PIN4: variants seen among roughly 807,000 people sequenced by gnomAD.
The protein encoded by PIN4 is peptidylprolyl cis/trans isomerase, NIMA-interacting 4.
In PIN4, 3 loss-of-function variants were observed where a neutral mutation model predicts 8.3. The ratio of observed to expected loss-of-function variants is 0.36; its 90% CI spans 0.16 to 0.93. PIN4 has a LOEUF of 0.93. PIN4 is among the 40% of genes least tolerant of loss of function. PIN4 has a pLI of 0.44. For synonymous variants in PIN4, 18 were observed against 32.5 expected (o/e 0.55, Z 1.52); for missense variants, 75 against 100.6 (o/e 0.75, Z 1.09).
chrX:72,190,824 G>A (rs1396937978), intron 2 of PIN4, among the ~76,000 whole-genome samples: 2 of 108,725 alleles, frequency 1.8e-5, no homozygotes, highest in Admixed American at 9.9e-5. Flanking sequence ...GTGGTGGCGG[G>A]TGCCTATAAT....
chrX:72,198,177 C>T lies in PIN4; in HGVS notation c.*651C>T, dbSNP rs937926043. On this transcript the variant is annotated 3_prime_UTR_variant, in exon 4 of 4. Coordinates refer to ENST00000373669, the MANE Select transcript of PIN4 (RefSeq NM_006223.4). ...TGTCAGCATAAAAATGTCATTCCCT[C>T]ATCTTCAGTGTATGGGTTACATTAA... The T allele has an allele frequency of 1.1e-4, 82 of 744,557 alleles. No individual in the cohort carries two copies. The Middle Eastern group carries it at 5.3e-3, about 48-fold the overall frequency. 61.4% of individuals were successfully genotyped at this position (744,557 alleles called of 1,213,427 possible).
In PIN4 at chrX:72,250,736, GTT is replaced by G. The variant is rs1230012818; in HGVS notation, c.313-11951_313-11950del. Among the ~76,000 whole-genome samples, 236 of 74,324 alleles carry G rather than the reference GTT, an allele frequency of 3.2e-3. 1 individual carries two copies. The highest frequency in any genetic ancestry group is 0.018 in the East Asian group (24 of 1,338). 64.5% of individuals were successfully genotyped at this position (74,324 alleles called of 115,157 possible). On this transcript the variant is annotated intron_variant, in intron 3 of 3. Transcript: ENST00000423432. Reference sequence around the variant, plus strand: ...GTGACAATAAATATTCTGGTATATGGTTTTTTTTTTTTTTTTTTTTTGAGAGG... The same window carrying G: ...GTGACAATAAATATTCTGGTATATGGTTTTTTTTTTTTTTTTTTTGAGAGG...
chrX:72,206,297 GTTC>G (rs771530996), intron 3 of PIN4: 2 of 1,208,408 alleles, frequency 1.7e-6, no homozygotes, highest in Admixed American at 4.4e-5. Context: ...TTAGTACAAA[GTTC>G]TTCTACACTT....
At chrX:72,249,374 G>A (rs896159661) in intron 3 of PIN4, among the ~76,000 whole-genome samples, 2 of 112,118 alleles carry the variant, frequency 1.8e-5, no homozygotes, top group African/African-American at 6.5e-5. Flanking sequence ...GTGTAAATTG[G>A]TACAACCACT....
At chrX:72,258,480 TC>T (rs1340340033) in intron 3 of PIN4, among the ~76,000 whole-genome samples, 2 of 111,653 alleles carry the variant, frequency 1.8e-5, no homozygotes, top group East Asian at 5.6e-4. Context: ...TCGTGAACCA[TC>T]TTTGCATTCT....
intron 3 of PIN4, among the ~76,000 whole-genome samples, chrX:72,243,058 G>C (rs2043055236): frequency 9.1e-6 from 1 of 110,061 alleles, no homozygotes. Flanking sequence ...TAGGCTGGGT[G>C]CGGTGGCTTA....
chrX:72,197,237 G>A, intron 3 of PIN4, 131 bp from the exon 4 acceptor site: 1 of 536,741 alleles, frequency 1.9e-6, no homozygotes. Flanking sequence ...TCCTTATTGA[G>A]CCTATTCCTG....
chrX:72,248,988 C>T (rs907881962), intron 3 of PIN4, among the ~76,000 whole-genome samples: 1 of 111,912 alleles, frequency 8.9e-6, no homozygotes, highest in Non-Finnish European at 1.9e-5. Flanking sequence ...CTTTAGTTCA[C>T]CAGGGGTTCT....
chrX:72,250,170 T>C (rs2043081203), intron 3 of PIN4, among the ~76,000 whole-genome samples: 1 of 109,132 alleles, frequency 9.2e-6, no homozygotes, highest in Non-Finnish European at 1.9e-5. Flanking sequence ...AGAAGGCGAG[T>C]GAGGGTAAGT....
chrX:72,188,166 T>A (rs1403818684), intron 2 of PIN4, among the ~76,000 whole-genome samples: 2 of 112,224 alleles, frequency 1.8e-5, no homozygotes, highest in Non-Finnish European at 3.8e-5. Flanking sequence ...AGTTACTTCA[T>A]GTTACAAACG....
chrX:72,216,201 C>G (rs1000957922), intron 3 of PIN4, among the ~76,000 whole-genome samples: 3 of 109,038 alleles, frequency 2.8e-5, no homozygotes, highest in Non-Finnish European at 5.7e-5. Flanking sequence ...ACTGAGACAC[C>G]GAGACATAGA....
intron 3 of PIN4, among the ~76,000 whole-genome samples, chrX:72,233,408 T>C (rs1461397864): frequency 1.8e-5 from 2 of 111,547 alleles, no homozygotes; most frequent in Non-Finnish European, 3.8e-5. Context: ...TTGTAGACCT[T>C]CTTTGGATCC....
intron 3 of PIN4, among the ~76,000 whole-genome samples, chrX:72,230,078 G>A (rs939570063): frequency 3.6e-5 from 4 of 110,052 alleles, no homozygotes; most frequent in Non-Finnish European, 5.7e-5. Flanking sequence ...GGGAGGCTGA[G>A]GCAGGAGAAT....
In PIN4 at chrX:72,198,118, A is replaced by G. The variant is rs1179654206; in HGVS notation, c.*592A>G. On this transcript the variant is annotated 3_prime_UTR_variant, in exon 4 of 4. Coordinates refer to ENST00000373669, the MANE Select transcript of PIN4 (RefSeq NM_006223.4). ...TCAGTTGTTCCATGAGTTGTTTTGT[A>G]CTAGACTAACCGAGTGCTGGTTAAA... is the stretch of plus-strand genomic sequence containing the variant. The G allele has an allele frequency of 1.3e-6, 1 of 748,918 alleles. No individual in the cohort carries two copies. The highest frequency in any genetic ancestry group is 7.6e-4 in the Middle Eastern group (1 of 1,313). 61.7% of individuals were successfully genotyped at this position (748,918 alleles called of 1,213,427 possible). A position where few individuals can be genotyped will look rare whatever the true frequency, so the allele number is the denominator to read the frequency against.
intron 2 of PIN4, among the ~76,000 whole-genome samples, chrX:72,192,185 T>C (rs1181978004): frequency 9.0e-6 from 1 of 111,522 alleles, no homozygotes; most frequent in South Asian, 3.7e-4. Flanking sequence ...ATTCCTCACC[T>C]CAGGTGATCC....
chrX:72,239,872 GTTCGAGA>G (rs1007924952), intron 3 of PIN4, among the ~76,000 whole-genome samples: 3 of 108,506 alleles, frequency 2.8e-5, no homozygotes, highest in African/African-American at 1.0e-4. Flanking sequence ...GCACTTAGGA[GTTCGAGA>G]CCAGCCTGGG....
chrX:72,196,754 A>G, intron 2 of PIN4, 31 bp from the exon 3 acceptor site: 1 of 1,184,520 alleles, frequency 8.4e-7, no homozygotes, highest in Non-Finnish European at 1.1e-6. Context: ...TGGGTCTCCA[A>G]GTATTACATG....
At chrX:72,230,099 C>T (rs1476944210) in intron 3 of PIN4, among the ~76,000 whole-genome samples, 4 of 109,313 alleles carry the variant, frequency 3.7e-5, no homozygotes, top group African/African-American at 6.7e-5. Flanking sequence ...GGCATGAACC[C>T]GGGAGGAGGA....
At chrX:72,220,786 C>CA (rs2042918711) in intron 3 of PIN4, among the ~76,000 whole-genome samples, 2 of 111,792 alleles carry the variant, frequency 1.8e-5, no homozygotes, top group Admixed American at 1.9e-4. Flanking sequence ...CACTCCTGAC[C>CA]AAAATTGGCC....
Sources: allele counts gnomAD v4.1 joint callset (sites outside exome capture counted in the v4.1 genomes callset), GRCh38; gene constraint gnomAD v4.1.1; transcripts MANE v1.5; gene names NCBI Gene and HGNC (gene_info 2026-07-23, HGNC 2026-07-21).